The following STATH variants were observed in gnomAD, a reference collection of about 807,000 sequenced individuals.
STATH encodes statherin.
STATH carries 11 observed loss-of-function variants against 13.3 expected under a neutral mutation model. The ratio of observed to expected loss-of-function variants is 0.83; its 90% confidence interval spans 0.52 to 1.37. The LOEUF (loss-of-function observed/expected upper bound fraction) is 1.37. Ranked by LOEUF, STATH falls within the 40% of genes most tolerant of loss-of-function variation. The probability of loss-of-function intolerance (pLI) is 0.00; values close to 1 mark genes in which losing one functional copy is unlikely to be tolerated. For missense variants in STATH, 78 were observed against 73.3 expected, an observed-to-expected ratio of 1.06 and a Z score of -0.24; for synonymous variants, 25 against 23.6, an observed-to-expected ratio of 1.06 and a Z score of -0.17.
At chr4:70,000,003 C>G (rs754145715) in intron 4 of STATH, 194 bp downstream of exon 4, 8 of 635,764 alleles carry the variant, frequency 1.3e-5, no homozygotes, top group African/African-American at 5.5e-5. Flanking sequence ...AGTTGAAACT[C>G]ATAGTGCCAA....
chr4:70,000,751 A>G, intron 4 of STATH, 112 bp from the exon 5 acceptor site: 1 of 754,258 alleles, frequency 1.3e-6, no homozygotes, highest in East Asian at 2.5e-5. Context: ...AAAAAATCTT[A>G]TAAGTAATAT....
At chr4:70,000,760 A>G in intron 4 of STATH, 103 bp from the exon 5 acceptor site, 1 of 814,478 alleles carries the variant, frequency 1.2e-6, no homozygotes, top group Non-Finnish European at 2.0e-6. Flanking sequence ...TATAAGTAAT[A>G]TGTAAGTTCC....
At chr4:69,997,464 T>G (rs564936267) in intron 1 of STATH, among the ~76,000 whole-genome samples, 3 of 152,300 alleles carry the variant, frequency 2.0e-5, no homozygotes, top group African/African-American at 7.2e-5. Flanking sequence ...TGAATTACTC[T>G]ATAGTTTTCA....
intron 4 of STATH, chr4:70,000,269 T>C (rs555676584): frequency 3.0e-5 from 5 of 164,122 alleles, no homozygotes; most frequent in Admixed American, 2.3e-4. Flanking sequence ...TCTTAATGTA[T>C]GTATCTTGAT....
rs1166802427 is a variant in STATH at position 69,999,801 on chromosome 4, A to G, written c.94A>G (p.Arg32Gly). ...ACAGAAATTTTTGCGTAGAATTGGA[A>G]GATTCGGTGTAAGTGTTCTCTGATA... ...SEEKFLRRIG[R>G]FGYGYGPYQP... The change falls in exon 4 of 6, where the codon AGA (arginine) becomes GGA (glycine). Residue 32 changes from arginine to glycine, a missense_variant. Coordinates refer to ENST00000246895, the MANE Select transcript of STATH (RefSeq NM_003154.3). The G allele has an allele frequency of 9.9e-6, 16 of 1,611,998 alleles. No individual in the cohort carries two copies. Among genetic ancestry groups the G allele is most frequent in the Non-Finnish European group, 2.5e-6 (3 of 1,178,910 alleles).
At chr4:69,998,053 G>C (rs564623914) in intron 1 of STATH, among the ~76,000 whole-genome samples, 26 of 152,108 alleles carry the variant, frequency 1.7e-4, no homozygotes, top group South Asian at 2.1e-4. Context: ...TGAACTGTTT[G>C]CACTTTCAAT....
chr4:69,997,057 C>T (rs995117562), intron 1 of STATH, among the ~76,000 whole-genome samples: 4 of 151,388 alleles, frequency 2.6e-5, no homozygotes, highest in South Asian at 2.1e-4. Flanking sequence ...CCTGCCTCAG[C>T]TTCCTAAGTA....
chr4:70,001,687 G>A (rs2109684344), intron 5 of STATH, among the ~76,000 whole-genome samples: 1 of 151,818 alleles, frequency 6.6e-6, no homozygotes, highest in African/African-American at 2.4e-5. Context: ...ACAAAATAGA[G>A]CAAACTCTTG....
chr4:69,996,681 ATATATATT>A (rs1724511546), intron 1 of STATH, among the ~76,000 whole-genome samples: 1 of 151,958 alleles, frequency 6.6e-6, no homozygotes, highest in Non-Finnish European at 1.5e-5. Flanking sequence ...AAACCATGAC[ATATATATT>A]TATATATCTA....
chr4:69,999,004 A>G (rs760560768), intron 2 of STATH: 1 of 152,416 alleles, frequency 6.6e-6, no homozygotes, highest in African/African-American at 2.4e-5. Flanking sequence ...ACATGTTATG[A>G]GTTCCCAGCT....
intron 2 of STATH, chr4:69,998,880 T>C (rs1724575084): frequency 6.4e-6 from 1 of 156,668 alleles, no homozygotes. Context: ...AAGTAGAAAT[T>C]TTCAAGTCAT....
At chr4:70,001,356 A>G (rs994584111) in intron 5 of STATH, among the ~76,000 whole-genome samples, 4 of 151,828 alleles carry the variant, frequency 2.6e-5, no homozygotes, top group Non-Finnish European at 5.9e-5. Flanking sequence ...CATATCACAT[A>G]AAATCTCTTG....
At chr4:69,998,373 G>C in intron 1 of STATH, 50 bp from the exon 2 acceptor site, 16 of 1,421,224 alleles carry the variant, frequency 1.1e-5, no homozygotes, top group Non-Finnish European at 1.6e-5. Flanking sequence ...AACTTTTGAT[G>C]GGCGAATGCA....
At chr4:69,996,805 T>TA (rs1361174975) in intron 1 of STATH, among the ~76,000 whole-genome samples, 1 of 151,908 alleles carries the variant, frequency 6.6e-6, no homozygotes, top group South Asian at 2.1e-4. Context: ...AGGTATAAAA[T>TA]ACACTAAAGT....
chr4:69,996,778 C>T (rs1240907708), intron 1 of STATH, among the ~76,000 whole-genome samples: 2 of 151,718 alleles, frequency 1.3e-5, no homozygotes, highest in Non-Finnish European at 2.9e-5. Context: ...TGATTCCATA[C>T]TTTCAATAAA....
chr4:69,996,097 T>A (rs1724496341), intron 1 of STATH, 72 bp downstream of exon 1: 1 of 152,190 alleles, frequency 6.6e-6, no homozygotes, highest in South Asian at 2.1e-4. Context: ...TTTTGAAAAC[T>A]AATTATAAAA....
chr4:70,000,782 C>A, intron 4 of STATH, 81 bp from the exon 5 acceptor site: 1 of 1,006,046 alleles, frequency 9.9e-7, no homozygotes, highest in Non-Finnish European at 1.5e-6. Context: ...AAAACTTTAA[C>A]AATCTAAGCT....
At position 69,999,813 on chromosome 4, in the gene STATH, A is replaced by G. The variant is rs759404825; in HGVS notation, c.102+4A>G. On this transcript the variant is annotated splice_donor_region_variant and intron_variant, in intron 4 of 5. Coordinates refer to ENST00000246895, the MANE Select transcript of STATH (RefSeq NM_003154.3). ...GCGTAGAATTGGAAGATTCGGTGTA[A>G]GTGTTCTCTGATAATGCTGTGTAGT... 5.6e-6 allele frequency: 9 copies of G among 1,611,848 alleles called. No homozygotes were observed. The highest frequency in any genetic ancestry group is 2.7e-5 in the African/African-American group (2 of 74,804).
chr4:70,001,685 G>T (rs59036481), intron 5 of STATH, among the ~76,000 whole-genome samples: 9,727 of 151,730 alleles, frequency 0.064, 1,059 homozygotes, highest in African/African-American at 0.22. Context: ...AAACAAAATA[G>T]AGCAAACTCT....
Sources: gnomAD v4.1 joint callset for allele counts (sites outside exome capture counted in the v4.1 genomes callset) on GRCh38, gnomAD v4.1.1 for gene constraint, MANE v1.5 for transcripts, NCBI Gene and HGNC (gene_info 2026-07-23, HGNC 2026-07-21) for gene names.